Variants in DENND4A observed in about 807,000 individuals in gnomAD.
DENND4A encodes the protein DENN domain containing 4A.
A neutral mutation model predicts 199.3 loss-of-function variants in DENND4A; 70 were observed. The observed-to-expected ratio is 0.35, with a 90% CI of 0.29 to 0.43. The LOEUF is 0.43. DENND4A is among the 20% of genes least tolerant of loss of function. The probability of loss-of-function intolerance (pLI) is 1.00; values close to 1 mark genes in which losing one functional copy is unlikely to be tolerated. For missense variants in DENND4A, 1,723 were observed against 2,255.8 expected, an observed-to-expected ratio of 0.76 and a Z score of 4.78; for synonymous variants, 686 against 766.9, an observed-to-expected ratio of 0.89 and a Z score of 1.74.
intron 1 of DENND4A, among the ~76,000 whole-genome samples, chr15:65,779,566 T>C (rs2077382040): frequency 6.6e-6 from 1 of 152,142 alleles, no homozygotes; most frequent in Non-Finnish European, 1.5e-5. Flanking sequence ...CATAGCTCAC[T>C]GCTGCCTCAA....
intron 14 of DENND4A, among the ~76,000 whole-genome samples, chr15:65,709,658 C>T (rs1454010358): frequency 1.0e-4 from 13 of 128,886 alleles, no homozygotes; most frequent in Non-Finnish European, 1.7e-4. Context: ...CATGCCATTG[C>T]ACTCCAGCCT....
At chr15:65,763,203 C>T (rs1294091384) in intron 1 of DENND4A, among the ~76,000 whole-genome samples, 1 of 152,078 alleles carries the variant, frequency 6.6e-6, no homozygotes, top group East Asian at 1.9e-4. Context: ...TGCGGGGAAA[C>T]AAGCACAGAA....
chr15:65,747,648 T>C (rs896974626), intron 4 of DENND4A, among the ~76,000 whole-genome samples: 5 of 152,154 alleles, frequency 3.3e-5, no homozygotes, highest in Non-Finnish European at 5.9e-5. Flanking sequence ...TTGTACTGTA[T>C]CCAGCCACAT....
At position 65,731,676 on chromosome 15, in the gene DENND4A, G is replaced by A; in HGVS notation, c.1132C>T (p.Leu378Phe). 1 of 1,559,854 alleles carries A rather than the reference G, an allele frequency of 6.4e-7. No homozygotes were observed. Among genetic ancestry groups the A allele is most frequent in the Non-Finnish European group, 8.7e-7 (1 of 1,150,662 alleles). Reference protein sequence around the residue: ...VQLSPHDNLILSQPVSSPLPL... With the variant: ...VQLSPHDNLIFSQPVSSPLPL... The stretch of plus-strand genomic sequence containing the variant: ...AGAGGTGAAGACACAGGCTGACTGA[G>A]AATCAGATTATCATGTGGTGATAAC... Residue 378 changes from leucine to phenylalanine, a missense_variant, in exon 9 of 33, where the codon CTC becomes TTC. By Grantham distance (22) the Leu-to-Phe change is conservative. Coordinates refer to ENST00000443035, the MANE Select transcript of DENND4A (RefSeq NM_001320835.1).
At chr15:65,758,482 T>C (rs1389509880) in intron 2 of DENND4A, among the ~76,000 whole-genome samples, 1 of 152,086 alleles carries the variant, frequency 6.6e-6, no homozygotes, top group African/African-American at 2.4e-5. Context: ...CCTGGCTGGT[T>C]TGTTTTTGTT....
intron 23 of DENND4A, among the ~76,000 whole-genome samples, chr15:65,682,319 A>G (rs1309777305): frequency 6.6e-6 from 1 of 152,178 alleles, no homozygotes; most frequent in African/African-American, 2.4e-5. Flanking sequence ...ATAATTAGCT[A>G]CATCTTCTAT....
Position 65,737,899 on chromosome 15 carries a change from T to A in DENND4A, c.848A>T (p.Asn283Ile), listed in dbSNP as rs752285150. The A allele has an allele frequency of 6.2e-7, 1 of 1,602,508 alleles. No individual in the cohort carries two copies. Among genetic ancestry groups the A allele is most frequent in the Non-Finnish European group, 8.5e-7 (1 of 1,173,850 alleles). ...AAGAAGTCTCTGCTTTTCTGTGAGA[T>A]TCTCCTCAGAGTATGGTTCATAAAA... Reference protein sequence around the residue: ...IQFYEPYSEENLTEKQRLLLG... With the variant: ...IQFYEPYSEEILTEKQRLLLG... The change falls in exon 7 of 33, where the codon AAT (asparagine) becomes ATT (isoleucine). Residue 283 changes from asparagine (N) to isoleucine (I), a missense_variant. Transcript: ENST00000443035.
rs569135755 is a variant in DENND4A at position 65,660,766 on chromosome 15, T to A, written c.*1085A>T. On this transcript the variant is annotated 3_prime_UTR_variant, in exon 33 of 33. Transcript: ENST00000443035. Reference sequence around the variant, plus strand: ...CAATATGGATGAAAATCTATCTGGCTGTACTTTTAGAGGGGAATTTTTCTA... The same window carrying A: ...CAATATGGATGAAAATCTATCTGGCAGTACTTTTAGAGGGGAATTTTTCTA... 1 of 153,218 alleles carries A rather than the reference T, an allele frequency of 6.5e-6. No homozygotes were observed. Among genetic ancestry groups the A allele is most frequent in the Non-Finnish European group, 1.5e-5 (1 of 68,682 alleles). 9.5% of individuals were successfully genotyped at this position (153,218 alleles called of 1,614,324 possible). A position where few individuals can be genotyped will look rare whatever the true frequency, so the allele number is the denominator to read the frequency against.
At chr15:65,680,178 T>C (rs1317666032) in intron 23 of DENND4A, among the ~76,000 whole-genome samples, 1 of 152,230 alleles carries the variant, frequency 6.6e-6, no homozygotes, top group Non-Finnish European at 1.5e-5. Flanking sequence ...CCTGCTCACC[T>C]GGGCTTCATT....
chr15:65,735,246 C>T (rs1307101313), intron 7 of DENND4A, among the ~76,000 whole-genome samples: 1 of 151,844 alleles, frequency 6.6e-6, no homozygotes, highest in African/African-American at 2.4e-5. Flanking sequence ...GGTGTGGTGG[C>T]ACACACCTGT....
Position 65,718,760 on chromosome 15 carries a change from C to CTTTTTTTTTTTTT in DENND4A, c.1589-777_1589-765dup, listed in dbSNP as rs1038227560. Reference sequence around the variant, plus strand: ...TCAAAAGTTTTGCATGTTTTTTTTCCTTTTTTTTTTTTTTTTTTTTTTTTT... The same window carrying CTTTTTTTTTTTTT: ...TCAAAAGTTTTGCATGTTTTTTTTCCTTTTTTTTTTTTTTTTTTTTTTTTTTTTTTTTTTTTTT... On this transcript the variant is annotated intron_variant, in intron 12 of 32. Transcript: ENST00000443035. Among the ~76,000 whole-genome samples, 576 of 67,794 alleles carry CTTTTTTTTTTTTT rather than the reference C, an allele frequency of 8.5e-3. 12 individuals are homozygous for CTTTTTTTTTTTTT. The highest frequency in any genetic ancestry group is 0.012 in the Non-Finnish European group (402 of 33,894). 44.5% of individuals were successfully genotyped at this position (67,794 alleles called of 152,430 possible). A position where few individuals can be genotyped will look rare whatever the true frequency, so the allele number is the denominator to read the frequency against.
At chr15:65,760,169 C>A (rs1448333006) in intron 2 of DENND4A, among the ~76,000 whole-genome samples, 1 of 152,130 alleles carries the variant, frequency 6.6e-6, no homozygotes, top group African/African-American at 2.4e-5. Context: ...CTAAAACATC[C>A]TCCTTTTTCC....
chr15:65,725,626 G>A (rs1412011795), intron 11 of DENND4A, among the ~76,000 whole-genome samples: 22 of 150,858 alleles, frequency 1.5e-4, no homozygotes, highest in Admixed American at 7.9e-4. Context: ...GCAGTGAGCT[G>A]AGATCACGCC....
At chr15:65,685,288 G>A (rs187692115) in intron 23 of DENND4A, among the ~76,000 whole-genome samples, 4 of 152,038 alleles carry the variant, frequency 2.6e-5, no homozygotes, top group South Asian at 2.1e-4. Flanking sequence ...CACCGTGCCC[G>A]GCTAATTTTT....
intron 2 of DENND4A, among the ~76,000 whole-genome samples, chr15:65,759,000 G>A (rs1446436544): frequency 6.6e-6 from 1 of 152,044 alleles, no homozygotes; most frequent in African/African-American, 2.4e-5. Context: ...AAATCTCAGG[G>A]CAAAGACATT....
intron 11 of DENND4A, 83 bp from the exon 12 acceptor site, chr15:65,723,031 G>T: frequency 1.9e-6 from 2 of 1,034,586 alleles, no homozygotes; most frequent in South Asian, 5.2e-5. Context: ...TATAAAAACG[G>T]GAAAAGATTA....
At chr15:65,675,473 C>A (rs2076345681) in intron 24 of DENND4A, among the ~76,000 whole-genome samples, 1 of 151,190 alleles carries the variant, frequency 6.6e-6, no homozygotes, top group African/African-American at 2.4e-5. Context: ...AAAAAAAACA[C>A]CCCCAAAAAA....
At chr15:65,715,383 A>T in intron 14 of DENND4A, 95 bp downstream of exon 14, 1 of 1,199,706 alleles carries the variant, frequency 8.3e-7, no homozygotes, top group Non-Finnish European at 1.1e-6. Context: ...ATTAATTTCA[A>T]TTTCATTAAA....
intron 4 of DENND4A, among the ~76,000 whole-genome samples, chr15:65,742,518 C>T (rs1429771002): frequency 6.6e-6 from 1 of 151,738 alleles, no homozygotes; most frequent in Non-Finnish European, 1.5e-5. Context: ...CTCCGCCTCC[C>T]AGGTTCAAGT....
Sources: gnomAD v4.1 joint callset for allele counts (sites outside exome capture counted in the v4.1 genomes callset) on GRCh38, gnomAD v4.1.1 for gene constraint, MANE v1.5 for transcripts, NCBI Gene and HGNC (gene_info 2026-07-23, HGNC 2026-07-21) for gene names.